MEIOSIN: variants seen among roughly 807,000 people sequenced by gnomAD.
MEIOSIN encodes the protein meiosis initiator, also known as meiosis initiator protein.
Under a neutral mutation model 23.4 loss-of-function variants are expected in MEIOSIN, and 18 were observed. The observed-to-expected ratio is 0.77, with a 90% CI of 0.53 to 1.14. The LOEUF (loss-of-function observed/expected upper bound fraction) is 1.14, where lower values mean the gene tolerates loss of function less well. MEIOSIN is among the 50% of genes most tolerant of loss of function. The probability of loss-of-function intolerance (pLI) is 0.00; values close to 1 mark genes in which losing one functional copy is unlikely to be tolerated. For missense variants in MEIOSIN, 428 were observed against 242.9 expected, an observed-to-expected ratio of 1.76 and a Z score of -5.07; for synonymous variants, 187 against 100.6, an observed-to-expected ratio of 1.86 and a Z score of -5.14.
intron 5 of MEIOSIN, among the ~76,000 whole-genome samples, chr19:45,752,945 C>A (rs372851130): frequency 1.1e-4 from 12 of 114,050 alleles, no homozygotes; most frequent in Admixed American, 4.8e-4. Context: ...TTTTCTGAGG[C>A]GGAGTCTCGC....
At chr19:45,749,375 A>G (rs1600382312) in intron 4 of MEIOSIN, among the ~76,000 whole-genome samples, 1 of 143,764 alleles carries the variant, frequency 7.0e-6, no homozygotes, top group South Asian at 2.2e-4. Flanking sequence ...CCCTGTCTCA[A>G]AAAAAAAAAA....
chr19:45,755,832 C>A lies in MEIOSIN; in HGVS notation c.803-138C>A, dbSNP rs375618146. ...CCTCAGCCTCACACCAACGTGACAC[C>A]CTGCATCCTGAGGTTTGGGCTAGGA... On this transcript the variant is annotated intron_variant, in intron 7 of 14. Transcript: ENST00000457052. The A allele has an allele frequency of 2.4e-4, 143 of 603,016 alleles. 3 individuals carry two copies. The highest frequency in any genetic ancestry group is 2.4e-3 in the African/African-American group (128 of 54,182). The allele number at this position is 603,016 out of a possible 1,614,324, so 37.4% of individuals were successfully genotyped here.
intron 3 of MEIOSIN, among the ~76,000 whole-genome samples, 179 bp from the exon 4 acceptor site, chr19:45,745,013 T>C (rs1290503795): frequency 6.6e-6 from 1 of 152,080 alleles, no homozygotes; most frequent in Non-Finnish European, 1.5e-5. Flanking sequence ...ATTTGGTGAC[T>C]GACTGATTAA....
intron 3 of MEIOSIN, among the ~76,000 whole-genome samples, chr19:45,743,267 A>G (rs1968537375): frequency 6.6e-6 from 1 of 152,206 alleles, no homozygotes; most frequent in African/African-American, 2.4e-5. Context: ...AGACGGTCAA[A>G]TAACACCTTG....
intron 7 of MEIOSIN, 27 bp from the exon 8 acceptor site, chr19:45,755,943 G>A (rs1010653396): frequency 1.3e-5 from 9 of 699,174 alleles, no homozygotes; most frequent in Non-Finnish European, 2.3e-5. Flanking sequence ...CAGTCCCCAG[G>A]CATGGTCATC....
At chr19:45,759,091 G>C in intron 10 of MEIOSIN, 58 bp downstream of exon 10, 1 of 700,456 alleles carries the variant, frequency 1.4e-6, no homozygotes, top group East Asian at 2.7e-5. Context: ...CGGTGCCCAG[G>C]CCTGCGCTGG....
chr19:45,762,402 G>A (rs1204486004), intron 13 of MEIOSIN, among the ~76,000 whole-genome samples: 1 of 152,044 alleles, frequency 6.6e-6, no homozygotes, highest in African/African-American at 2.4e-5. Flanking sequence ...TCAGGCTTTA[G>A]ACTTCAGAAA....
Position 45,739,721 on chromosome 19 carries a change from G to A in MEIOSIN, c.167G>A (p.Gly56Glu), listed in dbSNP as rs769440977. Residue 56 changes from glycine to glutamate, a missense_variant, in exon 3 of 15, where the codon GGA becomes GAA. By Grantham distance (98) the Gly-to-Glu change is moderately conservative. Coordinates refer to ENST00000457052, the MANE Select transcript of MEIOSIN (RefSeq NM_001310124.2). Reference sequence around the variant, plus strand: ...ATGGAGGAGAAATGGTTGCTCAAAGGAAAACTGAGGTACTGTTAACAGAAA... The same window carrying A: ...ATGGAGGAGAAATGGTTGCTCAAAGAAAAACTGAGGTACTGTTAACAGAAA... ...LRMEEKWLLK[G>E]KLRNQRNQNK... 8 of 703,518 alleles carry A rather than the reference G, an allele frequency of 1.1e-5. No individual in the cohort carries two copies. The South Asian group carries it at 1.2e-4, about 10-fold the overall frequency. The allele number at this position is 703,518 out of a possible 1,614,324, so 43.6% of individuals were successfully genotyped here.
At chr19:45,753,619 G>A (rs1052740963) in intron 5 of MEIOSIN, 32 bp from the exon 6 acceptor site, 1 of 689,652 alleles carries the variant, frequency 1.5e-6, no homozygotes, top group African/African-American at 1.8e-5. Flanking sequence ...TGGGGTGGGG[G>A]ATCTGAGCTG....
At chr19:45,741,087 C>T (rs1259728017) in intron 3 of MEIOSIN, among the ~76,000 whole-genome samples, 3 of 152,062 alleles carry the variant, frequency 2.0e-5, no homozygotes, top group Admixed American at 6.6e-5. Flanking sequence ...CGGTGGCTCA[C>T]GCCTGTAATC....
Position 45,758,963 on chromosome 19 carries a change from C to G in MEIOSIN, c.1098C>G (p.Ser366Arg), listed in dbSNP as rs930433477. 3 of 702,982 alleles carry G rather than the reference C, an allele frequency of 4.3e-6. No homozygotes were observed. The East Asian group carries it at 8.0e-5, about 19-fold the overall frequency. 43.5% of individuals were successfully genotyped at this position (702,982 alleles called of 1,614,324 possible). Residue 366 changes from serine to arginine, a missense_variant, in exon 10 of 15, where the codon AGC (serine) becomes AGG (arginine). By Grantham distance (110) the Ser-to-Arg change is moderately radical. Coordinates refer to ENST00000457052, the MANE Select transcript of MEIOSIN (RefSeq NM_001310124.2). Reference sequence around the variant, plus strand: ...GTGAGATCCTCGGGCTCAGCCCTAGCCTTTTCAGCTCCCCAGGGAAACTGC... The same window carrying G: ...GTGAGATCCTCGGGCTCAGCCCTAGGCTTTTCAGCTCCCCAGGGAAACTGC... The part of the protein sequence containing the change: ...HPSEILGLSP[S>R]LFSSPGKLLP...
rs976150183 is a variant in MEIOSIN, at chr19:45,741,301, C to T, written c.176+1571C>T. Among the ~76,000 whole-genome samples the T allele has an allele frequency of 2.7e-5, 4 of 150,724 alleles. No individual in the cohort carries two copies. The South Asian group carries it at 6.3e-4, about 24-fold the overall frequency. On this transcript the variant is annotated intron_variant, in intron 3 of 14. Coordinates refer to ENST00000457052, the MANE Select transcript of MEIOSIN (RefSeq NM_001310124.2). ...GGCGGAGATTTCAGTGAGCTGAGAT[C>T]GCACCACTGTACTCCAGCCTGGACA...
chr19:45,737,568 C>G (rs1968427780), intron 2 of MEIOSIN, among the ~76,000 whole-genome samples: 1 of 151,720 alleles, frequency 6.6e-6, no homozygotes, highest in African/African-American at 2.4e-5. Flanking sequence ...CAGACTGAAG[C>G]AGTCCTCCCA....
chr19:45,759,787 A>ATTTAT (rs141892717), intron 11 of MEIOSIN, among the ~76,000 whole-genome samples: 11 of 150,166 alleles, frequency 7.3e-5, no homozygotes, highest in Non-Finnish European at 1.6e-4. Context: ...CATTTTATTC[A>ATTTAT]TTTATTTTAT....
Position 45,756,183 on chromosome 19 carries a change from C to A in MEIOSIN, c.911+105C>A, listed in dbSNP as rs1968825980. On this transcript the variant is annotated intron_variant, in intron 8 of 14. Coordinates refer to ENST00000457052, the MANE Select transcript of MEIOSIN (RefSeq NM_001310124.2). ...GCCAAGTCACGTCCTCTGCGGGTGC[C>A]CCTTGAGCACCAATGGAGGCCCAGC... The A allele has an allele frequency of 4.9e-5, 31 of 632,176 alleles. No individual in the cohort carries two copies. The East Asian group carries it at 8.3e-4, about 17-fold the overall frequency. 39.2% of individuals were successfully genotyped at this position (632,176 alleles called of 1,614,324 possible).
At chr19:45,753,538 G>A in intron 5 of MEIOSIN, 113 bp from the exon 6 acceptor site, 1 of 600,748 alleles carries the variant, frequency 1.7e-6, no homozygotes, top group Non-Finnish European at 3.0e-6. Flanking sequence ...TGTAAAGTCA[G>A]CCTGGGGGCC....
At chr19:45,740,655 C>T (rs1968485480) in intron 3 of MEIOSIN, among the ~76,000 whole-genome samples, 1 of 151,824 alleles carries the variant, frequency 6.6e-6, no homozygotes, top group African/African-American at 2.4e-5. Flanking sequence ...GAGGCTGAGG[C>T]AGGAGAATCG....
At chr19:45,736,635 C>T (rs1205564071) in intron 2 of MEIOSIN, among the ~76,000 whole-genome samples, 1 of 152,096 alleles carries the variant, frequency 6.6e-6, no homozygotes, top group East Asian at 1.9e-4. Context: ...GTGGCGTCAT[C>T]TGGGCTCACT....
At chr19:45,738,707 G>GC (rs1968450530) in intron 2 of MEIOSIN, among the ~76,000 whole-genome samples, 3 of 152,204 alleles carry the variant, frequency 2.0e-5, no homozygotes, top group Admixed American at 2.0e-4. Context: ...AATTTGTATG[G>GC]CTTTCACACC....
Sources: gnomAD v4.1 joint callset for allele counts (sites outside exome capture counted in the v4.1 genomes callset) on GRCh38, gnomAD v4.1.1 for gene constraint, MANE v1.5 for transcripts, NCBI Gene and HGNC (gene_info 2026-07-23, HGNC 2026-07-21) for gene names.